The following SIL1 variants were observed in gnomAD, a reference collection of about 807,000 sequenced individuals.
SIL1 encodes nucleotide exchange factor SIL1.
SIL1 carries 40 observed loss-of-function variants against 49.1 expected under a neutral mutation model. The ratio of observed to expected loss-of-function variants is 0.81; its 90% CI spans 0.63 to 1.06. SIL1 has a LOEUF of 1.06. Ranked by LOEUF, SIL1 falls within the 50% of genes least tolerant of loss-of-function variation. The pLI, the probability that SIL1 is intolerant of heterozygous loss-of-function variation, is 0.00. For synonymous variants in SIL1, 253 were observed against 250.8 expected (o/e 1.01, Z -0.08); for missense variants, 500 against 572.6 (o/e 0.87, Z 1.29).
chr5:139,164,731 CTAGTAAGGAAGAG>C (rs1213885334), intron 1 of SIL1, among the ~76,000 whole-genome samples: 1 of 152,126 alleles, frequency 6.6e-6, no homozygotes, highest in Non-Finnish European at 1.5e-5. Context: ...AGTCCAAAAG[CTAGTAAGGAAGAG>C]GTGGGAAGAT....
chr5:139,016,824 T>A (rs965674713), intron 7 of SIL1: 1 of 152,098 alleles, frequency 6.6e-6, no homozygotes, highest in African/African-American at 2.4e-5. Context: ...CCATGTGCAC[T>A]CATTTGTATT....
intron 1 of SIL1, among the ~76,000 whole-genome samples, chr5:139,162,085 G>A (rs910790983): frequency 2.6e-5 from 4 of 151,914 alleles, no homozygotes; most frequent in African/African-American, 9.7e-5. Flanking sequence ...TCCCCCTACA[G>A]TCTCTACAGC....
chr5:139,136,969 T>G (rs1750986842), intron 1 of SIL1, among the ~76,000 whole-genome samples: 1 of 152,106 alleles, frequency 6.6e-6, no homozygotes, highest in South Asian at 2.1e-4. Flanking sequence ...AGGTAAAATT[T>G]CTAAGAAGAA....
chr5:139,158,928 C>T (rs1581140420), intron 1 of SIL1, among the ~76,000 whole-genome samples: 2 of 152,252 alleles, frequency 1.3e-5, no homozygotes, highest in South Asian at 4.1e-4. Context: ...CAACTGGTTC[C>T]ATGGGAACTG....
chr5:139,000,658 T>C (rs747406422), intron 7 of SIL1, among the ~76,000 whole-genome samples: 3 of 152,006 alleles, frequency 2.0e-5, no homozygotes, highest in Non-Finnish European at 4.4e-5. Flanking sequence ...TAGGCAAATA[T>C]CTCTATACCT....
chr5:138,983,178 G>A (rs1259562262), intron 7 of SIL1, among the ~76,000 whole-genome samples: 1 of 113,160 alleles, frequency 8.8e-6, no homozygotes, highest in Non-Finnish European at 1.7e-5. Context: ...CATTCTGGGT[G>A]ACAGAGTGAG....
intron 1 of SIL1, among the ~76,000 whole-genome samples, chr5:139,173,085 T>C (rs1751807577): frequency 1.3e-5 from 2 of 152,148 alleles, no homozygotes; most frequent in Non-Finnish European, 2.9e-5. Flanking sequence ...TAAGATGCAA[T>C]ATCATGACAT....
intron 4 of SIL1, among the ~76,000 whole-genome samples, chr5:139,047,260 G>A (rs1769186750): frequency 6.6e-6 from 1 of 152,214 alleles, no homozygotes; most frequent in African/African-American, 2.4e-5. Context: ...AACCACTAGA[G>A]ATGGCAAAGC....
chr5:139,083,282 A>G (rs898925574), intron 3 of SIL1, among the ~76,000 whole-genome samples: 1 of 152,196 alleles, frequency 6.6e-6, no homozygotes, highest in Non-Finnish European at 1.5e-5. Context: ...AAAAATACAC[A>G]AACATTATTT....
chr5:139,161,867 G>T (rs1178759580), intron 1 of SIL1, among the ~76,000 whole-genome samples: 2 of 152,018 alleles, frequency 1.3e-5, no homozygotes, highest in African/African-American at 4.8e-5. Flanking sequence ...ACAAAAATTA[G>T]CTGGGCATGG....
At chr5:139,065,333 A>G (rs551725060) in intron 3 of SIL1, among the ~76,000 whole-genome samples, 1 of 152,330 alleles carries the variant, frequency 6.6e-6, no homozygotes, top group South Asian at 2.1e-4. Context: ...ACATCAGAAT[A>G]GAAATCAAAG....
chr5:138,992,728 G>A (rs1365768813), intron 7 of SIL1, among the ~76,000 whole-genome samples: 1 of 152,058 alleles, frequency 6.6e-6, no homozygotes, highest in African/African-American at 2.4e-5. Flanking sequence ...AAGGGTGGGA[G>A]GGGGTGAGGG....
intron 3 of SIL1, among the ~76,000 whole-genome samples, chr5:139,111,866 C>G (rs1770848874): frequency 6.6e-6 from 1 of 151,442 alleles, no homozygotes; most frequent in Admixed American, 6.6e-5. Context: ...CCCTCTCCCT[C>G]TCTTTCCACG....
chr5:139,081,676 T>C (rs1050552410), intron 3 of SIL1, among the ~76,000 whole-genome samples: 10 of 151,484 alleles, frequency 6.6e-5, no homozygotes, highest in African/African-American at 2.4e-4. Flanking sequence ...GTCAGGAGTT[T>C]GAGACCAGCC....
At position 138,948,198 on chromosome 5, in the gene SIL1, G is replaced by C. The variant is rs1337351654; in HGVS notation, c.1030-725C>G. On this transcript the variant is annotated intron_variant, in intron 9 of 9. Transcript: ENST00000394817. The surrounding 1 kb of genome is among the most constrained non-coding windows in gnomAD (Gnocchi z 4.8). The stretch of plus-strand genomic sequence containing the variant: ...AAGCCCAGGAGAAGAGGAGGCCACA[G>C]TGGACCACCTGTGCTTCCTGCGGCA... Among the ~76,000 whole-genome samples the C allele has an allele frequency of 3.9e-5, 6 of 152,340 alleles. No individual in the cohort carries two copies. Among genetic ancestry groups the C allele is most frequent in the African/African-American group, 1.4e-4 (6 of 41,568 alleles).
chr5:139,058,929 G>GTATT (rs2150462909), intron 3 of SIL1, among the ~76,000 whole-genome samples: 1 of 151,078 alleles, frequency 6.6e-6, no homozygotes, highest in Non-Finnish European at 1.5e-5. Flanking sequence ...TAGGGTGTTG[G>GTATT]TATTTCTAAG....
At chr5:139,117,217 C>T (rs1427269506) in intron 3 of SIL1, among the ~76,000 whole-genome samples, 3 of 152,124 alleles carry the variant, frequency 2.0e-5, no homozygotes, top group East Asian at 1.9e-4. Flanking sequence ...GCAGGGGTCA[C>T]GTCCTTTTTG....
At position 139,080,908 on chromosome 5, in the gene SIL1, T is replaced by G. The variant is rs1473569517; in HGVS notation, c.245-29862A>C. On this transcript the variant is annotated intron_variant, in intron 3 of 9. Coordinates refer to ENST00000394817, the MANE Select transcript of SIL1 (RefSeq NM_022464.5). ...GGTTATGATATTTGTTTTTCGCCAGTCCCATACCCATAGAATTTAAATTAG... is the reference window on the plus strand; with the variant it reads ...GGTTATGATATTTGTTTTTCGCCAGGCCCATACCCATAGAATTTAAATTAG... Among the ~76,000 whole-genome samples, 3 of 152,244 alleles carry G rather than the reference T, an allele frequency of 2.0e-5. No individual in the cohort carries two copies. In the East Asian group the frequency reaches 5.8e-4, roughly 29 times the overall value.
Position 138,947,918 on chromosome 5 carries a change from C to T in SIL1, c.1030-445G>A, listed in dbSNP as rs115243580. Among the ~76,000 whole-genome samples, 1,728 of 152,224 alleles carry T rather than the reference C, an allele frequency of 0.011. 28 individuals carry two copies. The highest frequency in any genetic ancestry group is 0.039 in the African/African-American group (1,605 of 41,532). On this transcript the variant is annotated intron_variant, in intron 9 of 9. Transcript: ENST00000394817. The surrounding 1 kb of genome is among the most constrained non-coding windows in gnomAD (Gnocchi z 4.1). Reference sequence around the variant, plus strand: ...TCCTAAGTGGAGAAACTCAGCCTGTCTGTAAAGCGCAGAAGCCCAGCTCTA... The same window carrying T: ...TCCTAAGTGGAGAAACTCAGCCTGTTTGTAAAGCGCAGAAGCCCAGCTCTA...
Sources: gnomAD v4.1 joint callset for allele counts (sites outside exome capture counted in the v4.1 genomes callset) on GRCh38, gnomAD v4.1.1 for gene constraint, Gnocchi (gnomAD v3.1) non-coding constraint, MANE v1.5 for transcripts, NCBI Gene and HGNC (gene_info 2026-07-23, HGNC 2026-07-21) for gene names.